MIOS: variants seen among roughly 807,000 people sequenced by gnomAD.
MIOS encodes the protein GATOR2 complex protein MIOS.
A neutral mutation model predicts 96.9 loss-of-function variants in MIOS; 52 were observed. That is an observed-to-expected ratio of 0.54 (90% CI 0.43 to 0.68). The LOEUF is 0.68. MIOS is among the 30% of genes least tolerant of loss of function. The pLI is 0.00. For synonymous variants in MIOS, 397 were observed against 359.5 expected, an observed-to-expected ratio of 1.10 and a Z score of -1.18; for missense variants, 1,005 against 1,052.8, an observed-to-expected ratio of 0.95 and a Z score of 0.63.
At chr7:7,593,080 T>C (rs1784095650) in intron 9 of MIOS, among the ~76,000 whole-genome samples, 1 of 152,236 alleles carries the variant, frequency 6.6e-6, no homozygotes, top group South Asian at 2.1e-4. Context: ...TGTATATGTA[T>C]TGACCAAATT....
At chr7:7,580,145 T>A (rs1428450561) in intron 5 of MIOS, among the ~76,000 whole-genome samples, 1 of 152,248 alleles carries the variant, frequency 6.6e-6, no homozygotes, top group East Asian at 1.9e-4. Flanking sequence ...AGCCTCTACC[T>A]GAAATTAAAT....
chr7:7,606,722 G>C (rs1386604474), intron 12 of MIOS, among the ~76,000 whole-genome samples: 1 of 152,054 alleles, frequency 6.6e-6, no homozygotes, highest in Admixed American at 6.6e-5. Flanking sequence ...TGCTTTTGAT[G>C]CTTTTTTTCT....
rs1246608481 is a variant in MIOS at position 7,574,196 on chromosome 7, G to C, written c.1393G>C (p.Gly465Arg). 6.3e-7 allele frequency: 1 copy of C among 1,589,920 alleles called. No homozygotes were observed. The highest frequency in any genetic ancestry group is 1.4e-5 in the African/African-American group (1 of 73,788). The change falls in exon 5 of 13, where the codon GGA (glycine) becomes CGA (arginine). Residue 465 changes from glycine to arginine, a missense_variant and splice_region_variant. Transcript: ENST00000340080. ...GIKSIVKSSL[G>R]MVESSRHNWS... ...TAAATCAATTGTAAAGTCATCGTTG[G>C]GTAAGAAAATTCTATTTCATTTTCT...
chr7:7,596,311 G>C lies in MIOS; in HGVS notation c.2251G>C (p.Val751Leu). The C allele has an allele frequency of 6.2e-7, 1 of 1,614,044 alleles. No homozygotes were observed. Residue 751 changes from valine (V) to leucine (L), a missense_variant, in exon 11 of 13, where the codon GTG (valine) becomes CTG (leucine). Physicochemically the swap from Val to Leu is conservative, Grantham distance 32 (BLOSUM62 1). Coordinates refer to ENST00000340080, the MANE Select transcript of MIOS (RefSeq NM_019005.4). Reference protein sequence around the residue: ...GKSISYSCSAVPHQGRGFSQY... With the variant: ...GKSISYSCSALPHQGRGFSQY... ...GTCAATCTCCTACAGCTGTTCAGCT[G>C]TGCCTCATCAGGGCAGAGGTTTTAG...
At chr7:7,582,093 C>G (rs1397739685) in intron 5 of MIOS, among the ~76,000 whole-genome samples, 1 of 152,034 alleles carries the variant, frequency 6.6e-6, no homozygotes, top group African/African-American at 2.4e-5. Context: ...ATGAGGAATT[C>G]TAGAAACTGT....
chr7:7,586,988 CTTTTTTTTT>C (rs71988879), intron 7 of MIOS, among the ~76,000 whole-genome samples: 1 of 123,052 alleles, frequency 8.1e-6, no homozygotes, highest in Non-Finnish European at 1.7e-5. Flanking sequence ...TTTTCTTTCC[CTTTTTTTTT>C]TTTTTTTTTT....
chr7:7,604,266 C>T (rs1784463737), intron 11 of MIOS, among the ~76,000 whole-genome samples: 1 of 151,866 alleles, frequency 6.6e-6, no homozygotes, highest in African/African-American at 2.4e-5. Flanking sequence ...ATCTAAACCT[C>T]CCTGGTGCTT....
intron 9 of MIOS, among the ~76,000 whole-genome samples, chr7:7,594,106 G>C (rs1287034238): frequency 1.3e-5 from 2 of 152,014 alleles, no homozygotes; most frequent in African/African-American, 4.8e-5. Context: ...ATTTGGTTTG[G>C]TTTTGCTTTT....
intron 11 of MIOS, among the ~76,000 whole-genome samples, chr7:7,600,266 A>G (rs1217285813): frequency 6.6e-6 from 1 of 152,120 alleles, no homozygotes; most frequent in East Asian, 1.9e-4. Flanking sequence ...AATAGAAATC[A>G]AGTGCTGGAT....
Position 7,572,937 on chromosome 7 carries a change from T to G in MIOS, c.462T>G (p.Asp154Glu). Residue 154 changes from aspartate (D) to glutamate (E), a missense_variant, in exon 4 of 13, where the codon GAT becomes GAG. Around this residue, in one of 3 missense-constraint regions of MIOS, gnomAD observed 865 missense variants for 887.9 expected, o/e 0.97. Coordinates refer to ENST00000340080, the MANE Select transcript of MIOS (RefSeq NM_019005.4). This position sits in a 1 kb window ranked among gnomAD's most constrained non-coding sequence, Gnocchi z 4.8. ...ATATCTGCAGCAAATATACTCCTGA[T>G]ATAGTTCCCATGGAAAAAGTGAAAC... Reference protein sequence around the residue: ...IWDICSKYTPDIVPMEKVKLS... With the variant: ...IWDICSKYTPEIVPMEKVKLS... 6.2e-7 allele frequency: 1 copy of G among 1,614,174 alleles called. No homozygotes were observed. Among genetic ancestry groups the G allele is most frequent in the East Asian group, 2.2e-5 (1 of 44,890 alleles).
chr7:7,600,674 C>T (rs1784350024), intron 11 of MIOS, among the ~76,000 whole-genome samples: 1 of 152,128 alleles, frequency 6.6e-6, no homozygotes, highest in Admixed American at 6.5e-5. Flanking sequence ...AGAAAGTGAA[C>T]AAGGATATCC....
intron 3 of MIOS, among the ~76,000 whole-genome samples, chr7:7,571,903 T>C (rs1783367738): frequency 6.6e-6 from 1 of 152,242 alleles, no homozygotes; most frequent in Non-Finnish European, 1.5e-5. Flanking sequence ...TATTAAAATT[T>C]GTTAAAATTA....
chr7:7,585,561 T>C, intron 6 of MIOS, 75 bp from the exon 7 acceptor site: 1 of 1,323,070 alleles, frequency 7.6e-7, no homozygotes, highest in Non-Finnish European at 1.0e-6. Flanking sequence ...CTGATTTCTA[T>C]TTATGGTTTA....
intron 5 of MIOS, among the ~76,000 whole-genome samples, chr7:7,578,275 C>G (rs1223249536): frequency 6.6e-6 from 1 of 152,160 alleles, no homozygotes; most frequent in East Asian, 1.9e-4. Context: ...ACCTGTATAG[C>G]AAGTTCACAG....
intron 5 of MIOS, chr7:7,581,627 C>G (rs1218444641): frequency 6.6e-6 from 1 of 152,134 alleles, no homozygotes; most frequent in African/African-American, 2.4e-5. Context: ...CAGTTCCTTG[C>G]AACTGTGGGA....
At chr7:7,597,122 C>T (rs62450243) in intron 11 of MIOS, among the ~76,000 whole-genome samples, 5,680 of 152,042 alleles carry the variant, frequency 0.037, 147 homozygotes, top group Non-Finnish European at 0.058. Context: ...GTCAGAAGAT[C>T]AAGACCATCC....
rs570062897 is a variant in MIOS, at chr7:7,599,328, G to A, written c.2401+2867G>A. ...GGGTGCTTTAGACTTCCCTCAAGGT[G>A]TACATATTTGCTACTTTTTTCTAAA... is the stretch of plus-strand genomic sequence containing the variant. On this transcript the variant is annotated intron_variant, in intron 11 of 12. Coordinates refer to ENST00000340080, the MANE Select transcript of MIOS (RefSeq NM_019005.4). 5.3e-5 allele frequency among the ~76,000 whole-genome samples: 8 copies of A among 152,242 alleles called. No homozygotes were observed. The South Asian group carries it at 1.7e-3, about 32-fold the overall frequency.
chr7:7,585,408 A>AACC (rs1563027875), intron 6 of MIOS, among the ~76,000 whole-genome samples: 8 of 131,482 alleles, frequency 6.1e-5, no homozygotes, highest in South Asian at 2.6e-4. Flanking sequence ...CAAAACCCAA[A>AACC]CCCCCCCCTT....
chr7:7,580,789 C>T (rs62450240), intron 5 of MIOS, among the ~76,000 whole-genome samples: 87,148 of 147,722 alleles, frequency 0.59, 27,741 homozygotes, highest in Admixed American at 0.72. Flanking sequence ...CAGGTTTAAG[C>T]GATTCTCCTG....
Sources: allele counts gnomAD v4.1 joint callset (sites outside exome capture counted in the v4.1 genomes callset), GRCh38; gene constraint gnomAD v4.1.1; regional missense constraint gnomAD v4.1.1; non-coding constraint Gnocchi (gnomAD v3.1); transcripts MANE v1.5; gene names NCBI Gene and HGNC (gene_info 2026-07-23, HGNC 2026-07-21).